The following MSANTD3 variants were observed in gnomAD, a reference collection of about 807,000 sequenced individuals.
The protein encoded by MSANTD3 is myb/SANT-like DNA-binding domain-containing protein 3.
A neutral mutation model predicts 27.7 loss-of-function variants in MSANTD3; 11 were observed. That is an observed-to-expected ratio of 0.40 (90% CI 0.25 to 0.66). The LOEUF (loss-of-function observed/expected upper bound fraction) is 0.66, where lower values mean the gene tolerates loss of function less well. Among genes scored for constraint, MSANTD3 ranks in the 30% least tolerant of loss-of-function variants. MSANTD3 has a pLI of 0.41. For synonymous variants in MSANTD3, 131 were observed against 127.2 expected, an observed-to-expected ratio of 1.03 and a Z score of -0.20; for missense variants, 250 against 336.5, an observed-to-expected ratio of 0.74 and a Z score of 2.01.
intron 2 of MSANTD3, chr9:100,444,615 A>C (rs1836709197): frequency 6.5e-6 from 1 of 152,768 alleles, no homozygotes; most frequent in Admixed American, 6.5e-5. Flanking sequence ...ATTGCTGAGG[A>C]CCATGCTGGT....
In MSANTD3 at chr9:100,450,815, T is replaced by C. The variant is rs756771498; in HGVS notation, c.677T>C (p.Ile226Thr). The change falls in exon 3 of 3, where the codon ATA becomes ACA. Residue 226 changes from isoleucine (I) to threonine (T), a missense_variant. Ile to Thr is a moderately conservative substitution (Grantham distance 89). Transcript: ENST00000395067. ...GTGCATGTGGCCAAAATCCAGCAGA[T>C]AGAGCGAGAGTGTGAGATGGCAGAG... ...NEVHVAKIQQ[I>T]ERECEMAEEE... 1 of 1,614,076 alleles carries C rather than the reference T, an allele frequency of 6.2e-7. No homozygotes were observed. The highest frequency in any genetic ancestry group is 2.2e-5 in the East Asian group (1 of 44,888).
chr9:100,442,106 C>T lies in MSANTD3; in HGVS notation c.168C>T (p.Tyr56=). Residue 56 remains tyrosine, a synonymous_variant, in exon 2 of 3, where the codon TAC becomes TAT. Transcript: ENST00000395067. ...QRTWQALAHE[Y]NSQPSVSLRD... ...CCTGGCAGGCGCTGGCCCACGAATA[C>T]AACTCTCAGCCCAGCGTGTCCCTGC... 6.2e-7 allele frequency: 1 copy of T among 1,614,162 alleles called. No homozygotes were observed. The highest frequency in any genetic ancestry group is 8.5e-7 in the Non-Finnish European group (1 of 1,180,036).
chr9:100,435,001 A>G (rs1432385396), intron 1 of MSANTD3, among the ~76,000 whole-genome samples: 1 of 152,234 alleles, frequency 6.6e-6, no homozygotes, highest in Admixed American at 6.5e-5. Flanking sequence ...GTGCGCACAC[A>G]CACAGTATTA....
At chr9:100,436,713 G>T (rs991784141) in intron 1 of MSANTD3, among the ~76,000 whole-genome samples, 5 of 152,282 alleles carry the variant, frequency 3.3e-5, no homozygotes, top group Middle Eastern at 3.4e-3. Flanking sequence ...ACCTCTTTGG[G>T]AAGTATTTGT....
chr9:100,435,710 T>C (rs1379443364), intron 1 of MSANTD3, among the ~76,000 whole-genome samples: 1 of 152,154 alleles, frequency 6.6e-6, no homozygotes, highest in Non-Finnish European at 1.5e-5. Context: ...TTGTAAGCCA[T>C]TGAGGGTAGC....
rs1836634325 is a variant in MSANTD3 at position 100,441,978 on chromosome 9, T to A, written c.40T>A (p.Ser14Thr). The A allele has an allele frequency of 6.2e-7, 1 of 1,613,590 alleles. No homozygotes were observed. The highest frequency in any genetic ancestry group is 8.5e-7 in the Non-Finnish European group (1 of 1,179,670). ...AATTATAAAGCCTGCCAAATACTTCTCAGAATTGGAAAAGAGCATCCTGCT... is the reference window on the plus strand; with the variant it reads ...AATTATAAAGCCTGCCAAATACTTCACAGAATTGGAAAAGAGCATCCTGCT... ...NEIIKPAKYF[S>T]ELEKSILLAL... The change falls in exon 2 of 3, where the codon TCA (serine) becomes ACA (threonine). Residue 14 changes from serine (S) to threonine (T), a missense_variant. Coordinates refer to ENST00000395067, the MANE Select transcript of MSANTD3 (RefSeq NM_080655.3).
intron 2 of MSANTD3, among the ~76,000 whole-genome samples, chr9:100,443,334 GGTT>G (rs1320298776): frequency 6.6e-6 from 1 of 151,966 alleles, no homozygotes; most frequent in Non-Finnish European, 1.5e-5. Flanking sequence ...GGGAGGCAGA[GGTT>G]GTGGTGAGCC....
At chr9:100,432,423 A>T (rs1376122835) in intron 1 of MSANTD3, among the ~76,000 whole-genome samples, 6 of 152,198 alleles carry the variant, frequency 3.9e-5, no homozygotes, top group Non-Finnish European at 7.3e-5. Flanking sequence ...CTCTTAAAAC[A>T]TTGCCATTTC....
At chr9:100,445,697 A>G (rs1836737105) in intron 2 of MSANTD3, among the ~76,000 whole-genome samples, 1 of 152,218 alleles carries the variant, frequency 6.6e-6, no homozygotes, top group Admixed American at 6.5e-5. Flanking sequence ...ATTGGAATTT[A>G]TGATAAAACT....
chr9:100,434,916 T>C (rs902254515), intron 1 of MSANTD3, among the ~76,000 whole-genome samples: 24 of 152,196 alleles, frequency 1.6e-4, no homozygotes, highest in African/African-American at 5.5e-4. Flanking sequence ...ATTTGTTGAA[T>C]TGTGTGTGTA....
chr9:100,436,406 G>A (rs1350982874), intron 1 of MSANTD3, among the ~76,000 whole-genome samples: 1 of 152,156 alleles, frequency 6.6e-6, no homozygotes, highest in African/African-American at 2.4e-5. Flanking sequence ...TTTATGAAAT[G>A]TTTACTGAGC....
Position 100,442,302 on chromosome 9 carries a change from C to T in MSANTD3, c.364C>T (p.Leu122=). The change falls in exon 2 of 3, where the codon CTG becomes TTG. Residue 122 remains leucine (L), a synonymous_variant. Coordinates refer to ENST00000395067, the MANE Select transcript of MSANTD3 (RefSeq NM_080655.3). ...ASMLPEQLYF[L]QSPPEEEPEY... ...CATGCTGCCGGAGCAGCTCTACTTC[C>T]TGCAGAGCCCCCCGGAGGAGGAGCC... 1 of 1,614,076 alleles carries T rather than the reference C, an allele frequency of 6.2e-7. No individual in the cohort carries two copies. The highest frequency in any genetic ancestry group is 8.5e-7 in the Non-Finnish European group (1 of 1,180,028).
intron 1 of MSANTD3, among the ~76,000 whole-genome samples, chr9:100,430,553 G>A (rs1177081136): frequency 2.6e-5 from 4 of 152,140 alleles, no homozygotes; most frequent in African/African-American, 7.2e-5. Context: ...AGAGACGTCT[G>A]AGGTTTACAA....
In MSANTD3 at chr9:100,442,175, T is replaced by C; in HGVS notation, c.237T>C (p.Ala79=). The C allele has an allele frequency of 6.2e-7, 1 of 1,614,052 alleles. No individual in the cohort carries two copies. Residue 79 remains alanine (A), a synonymous_variant, in exon 2 of 3, where the codon GCT becomes GCC. Coordinates refer to ENST00000395067, the MANE Select transcript of MSANTD3 (RefSeq NM_080655.3). ...QLKKCWENIK[A]RTKKIMAHER... The stretch of plus-strand genomic sequence containing the variant: ...AGAAGTGCTGGGAGAACATCAAGGC[T>C]CGGACCAAAAAAATTATGGCCCATG...
chr9:100,443,918 C>G (rs1368960595), intron 2 of MSANTD3, among the ~76,000 whole-genome samples: 1 of 152,156 alleles, frequency 6.6e-6, no homozygotes, highest in African/African-American at 2.4e-5. Flanking sequence ...AGCACTTCCC[C>G]AGGAAAATCT....
At chr9:100,448,575 C>T (rs761111720) in intron 2 of MSANTD3, 40 of 985,394 alleles carry the variant, frequency 4.1e-5, no homozygotes, top group Non-Finnish European at 4.8e-5. Flanking sequence ...ACGTAATTCA[C>T]CCCATACACA....
At chr9:100,445,088 T>A (rs1445847969) in intron 2 of MSANTD3, 1 of 799,354 alleles carries the variant, frequency 1.3e-6, no homozygotes, top group Non-Finnish European at 2.1e-6. Context: ...GGTAATCTGT[T>A]AATACTAGTA....
chr9:100,432,014 C>T (rs894010979), intron 1 of MSANTD3, among the ~76,000 whole-genome samples: 16 of 151,774 alleles, frequency 1.1e-4, no homozygotes, highest in Admixed American at 1.1e-3. Flanking sequence ...AGGGGAAGGA[C>T]GGGGTTAGGA....
chr9:100,442,198 A>G lies in MSANTD3; in HGVS notation c.260A>G (p.His87Arg), dbSNP rs1297539255. The change falls in exon 2 of 3, where the codon CAT (histidine) becomes CGT (arginine). Residue 87 changes from histidine to arginine, a missense_variant. By Grantham distance (29) the His-to-Arg change is conservative. Around this residue, in one of 3 missense-constraint regions of MSANTD3, gnomAD observed 235 missense variants for 299.3 expected, o/e 0.79. Transcript: ENST00000395067. The stretch of plus-strand genomic sequence containing the variant: ...GCTCGGACCAAAAAAATTATGGCCC[A>G]TGAAAGGAGAGAGAAAGTGAAACGG... Reference protein sequence around the residue: ...IKARTKKIMAHERREKVKRSV... With the variant: ...IKARTKKIMARERREKVKRSV... 6.2e-6 allele frequency: 10 copies of G among 1,614,190 alleles called. No individual in the cohort carries two copies. The highest frequency in any genetic ancestry group is 8.5e-6 in the Non-Finnish European group (10 of 1,180,036).
Sources: allele counts gnomAD v4.1 joint callset (sites outside exome capture counted in the v4.1 genomes callset), GRCh38; gene constraint gnomAD v4.1.1; regional missense constraint gnomAD v4.1.1; transcripts MANE v1.5; gene names NCBI Gene and HGNC (gene_info 2026-07-23, HGNC 2026-07-21).